Variants in FAM204A observed in about 807,000 individuals in gnomAD.
The protein encoded by FAM204A is protein FAM204A.
FAM204A carries 16 observed loss-of-function variants against 35.4 expected under a neutral mutation model. That is an observed-to-expected ratio of 0.45 (90% CI 0.31 to 0.69). The LOEUF (loss-of-function observed/expected upper bound fraction) is 0.69. Ranked by LOEUF, FAM204A falls within the 30% of genes least tolerant of loss-of-function variation. The pLI is 0.07. For synonymous variants in FAM204A, 76 were observed against 86.9 expected (o/e 0.88, Z 0.70); for missense variants, 240 against 265.7 (o/e 0.90, Z 0.67).
chr10:118,321,357 C>T (rs1156958807), intron 7 of FAM204A, among the ~76,000 whole-genome samples: 13 of 152,018 alleles, frequency 8.6e-5, no homozygotes, highest in East Asian at 3.9e-4. Context: ...TTATTCTTCA[C>T]GGGTACTTAA....
chr10:118,316,457 A>G (rs563702754), intron 7 of FAM204A, among the ~76,000 whole-genome samples: 118 of 152,288 alleles, frequency 7.7e-4, no homozygotes, highest in African/African-American at 2.7e-3. Context: ...ATATCCAGTC[A>G]CTTAACTCCT....
intron 2 of FAM204A, among the ~76,000 whole-genome samples, chr10:118,339,961 T>C (rs1405503961): frequency 6.6e-6 from 1 of 152,224 alleles, no homozygotes; most frequent in Admixed American, 6.5e-5. Context: ...CGTTATTATT[T>C]AGCATACTTG....
chr10:118,334,766 G>A (rs982329307), intron 6 of FAM204A, among the ~76,000 whole-genome samples: 3 of 152,164 alleles, frequency 2.0e-5, no homozygotes, highest in African/African-American at 2.4e-5. Context: ...AATGTCCCAG[G>A]ACGACTCTTC....
chr10:118,338,050 A>G (rs1311787723), intron 2 of FAM204A, among the ~76,000 whole-genome samples: 1 of 152,194 alleles, frequency 6.6e-6, no homozygotes, highest in African/African-American at 2.4e-5. Context: ...GAATAAAATG[A>G]GGGCAAATTA....
chr10:118,305,601 C>T lies in FAM204A; in HGVS notation c.*5256G>A, dbSNP rs1845854806. ...CAGGTAACTAAAATTTTTAAGTCTA[C>T]ATTACTTCTTATATGTAGATTATGT... On this transcript the variant is annotated 3_prime_UTR_variant, in exon 9 of 9. Transcript: ENST00000369183. The T allele has an allele frequency of 1.3e-5, 2 of 152,206 alleles. No homozygotes were observed. Among genetic ancestry groups the T allele is most frequent in the African/African-American group, 4.8e-5 (2 of 41,452 alleles). 9.4% of individuals were successfully genotyped at this position (152,206 alleles called of 1,614,324 possible).
At chr10:118,323,088 A>G (rs1050384959) in intron 7 of FAM204A, among the ~76,000 whole-genome samples, 3 of 152,138 alleles carry the variant, frequency 2.0e-5, no homozygotes, top group Non-Finnish European at 2.9e-5. Context: ...TCTGTTGGTC[A>G]GTCACTTGCT....
chr10:118,326,408 T>A, intron 6 of FAM204A, 165 bp from the exon 7 acceptor site: 1 of 610,498 alleles, frequency 1.6e-6, no homozygotes. Context: ...ACCAGAAGGC[T>A]GAGACAGTAA....
At position 118,303,455 on chromosome 10, in the gene FAM204A, T is replaced by C. The variant is rs1845829901; in HGVS notation, c.*7402A>G. On this transcript the variant is annotated 3_prime_UTR_variant, in exon 9 of 9. Coordinates refer to ENST00000369183, the MANE Select transcript of FAM204A (RefSeq NM_022063.3). Reference sequence around the variant, plus strand: ...ATCCTCCACCCCTTCCATCCATCCCTCCTTTCATCCCATGTAAAATGCTGG... The same window carrying C: ...ATCCTCCACCCCTTCCATCCATCCCCCCTTTCATCCCATGTAAAATGCTGG... The C allele has an allele frequency of 6.6e-6, 1 of 152,210 alleles. No homozygotes were observed. The highest frequency in any genetic ancestry group is 2.1e-4 in the South Asian group (1 of 4,830). The allele number at this position is 152,210 out of a possible 1,614,324, so 9.4% of individuals were successfully genotyped here.
intron 2 of FAM204A, among the ~76,000 whole-genome samples, chr10:118,338,703 A>T (rs1846425677): frequency 6.6e-6 from 1 of 152,164 alleles, no homozygotes; most frequent in East Asian, 1.9e-4. Flanking sequence ...TTTAGATGTG[A>T]CTGCTCATGA....
In FAM204A at chr10:118,305,002, G is replaced by C. The variant is rs1057378864; in HGVS notation, c.*5855C>G. The C allele has an allele frequency of 6.6e-6, 1 of 152,208 alleles. No individual in the cohort carries two copies. Among genetic ancestry groups the C allele is most frequent in the African/African-American group, 2.4e-5 (1 of 41,440 alleles). The allele number at this position is 152,208 out of a possible 1,614,324, so 9.4% of individuals were successfully genotyped here. On this transcript the variant is annotated 3_prime_UTR_variant, in exon 9 of 9. Transcript: ENST00000369183. ...GTAAGGAAGTCTGAGCCAGTGCAAA[G>C]TGAGAACTAATGTGTTCCACTTCCA...
chr10:118,310,801 C>A lies in FAM204A; in HGVS notation c.*56G>T. 3 of 1,398,368 alleles carry A rather than the reference C, an allele frequency of 2.1e-6. No individual in the cohort carries two copies. The highest frequency in any genetic ancestry group is 3.0e-6 in the Non-Finnish European group (3 of 1,007,128). 86.6% of individuals were successfully genotyped at this position (1,398,368 alleles called of 1,614,324 possible). ...TGACATATTAACATAGGCAGGAAAA[C>A]ATTCTCAGTAAATTGAGCATTTGAG... On this transcript the variant is annotated 3_prime_UTR_variant, in exon 9 of 9. Coordinates refer to ENST00000369183, the MANE Select transcript of FAM204A (RefSeq NM_022063.3).
chr10:118,317,418 TA>T (rs1309957318), intron 7 of FAM204A, among the ~76,000 whole-genome samples: 5 of 152,054 alleles, frequency 3.3e-5, no homozygotes, highest in South Asian at 4.1e-4. Context: ...AATCTTTTTT[TA>T]AGGTTAGTTA....
chr10:118,313,979 G>A (rs1002997849), intron 7 of FAM204A, among the ~76,000 whole-genome samples: 8 of 152,058 alleles, frequency 5.3e-5, no homozygotes, highest in African/African-American at 1.7e-4. Flanking sequence ...TCTTCACCTC[G>A]ACATGTCATG....
At chr10:118,318,609 G>A (rs1172847257) in intron 7 of FAM204A, among the ~76,000 whole-genome samples, 6 of 152,060 alleles carry the variant, frequency 3.9e-5, no homozygotes, top group South Asian at 4.1e-4. Flanking sequence ...GGAATACACC[G>A]CTCAGCTTTG....
In FAM204A at chr10:118,326,258, A is replaced by C. The variant is rs1182375232; in HGVS notation, c.454-15T>G. ...TCAAGGCCTGACTAGAAAAAAAAGA[A>C]ACCTAAAATTAAGGGCTGGAAGGAA... On this transcript the variant is annotated splice_polypyrimidine_tract_variant and intron_variant, in intron 6 of 8. Transcript: ENST00000369183. The C allele has an allele frequency of 3.1e-6, 5 of 1,605,510 alleles. No homozygotes were observed. The highest frequency in any genetic ancestry group is 3.4e-6 in the Non-Finnish European group (4 of 1,174,100).
At position 118,309,454 on chromosome 10, in the gene FAM204A, A is replaced by C. The variant is rs1389562187; in HGVS notation, c.*1403T>G. 9 of 152,202 alleles carry C rather than the reference A, an allele frequency of 5.9e-5. No individual in the cohort carries two copies. The highest frequency in any genetic ancestry group is 5.2e-4 in the Admixed American group (8 of 15,272). The allele number at this position is 152,202 out of a possible 1,614,324, so 9.4% of individuals were successfully genotyped here. A position where few individuals can be genotyped will look rare whatever the true frequency, so the allele number is the denominator to read the frequency against. On this transcript the variant is annotated 3_prime_UTR_variant, in exon 9 of 9. Coordinates refer to ENST00000369183, the MANE Select transcript of FAM204A (RefSeq NM_022063.3). ...GAATTTATATTATCAACCCAGAGAAAGTTTATATCAGACAGGTAGGAAACC... is the reference window on the plus strand; with the variant it reads ...GAATTTATATTATCAACCCAGAGAACGTTTATATCAGACAGGTAGGAAACC...
chr10:118,321,787 C>A (rs1846122388), intron 7 of FAM204A, among the ~76,000 whole-genome samples: 1 of 149,724 alleles, frequency 6.7e-6, no homozygotes, highest in South Asian at 2.1e-4. Context: ...TCTGAAACCT[C>A]TAAGGCGCTA....
chr10:118,337,591 C>T (rs1172938483), intron 2 of FAM204A, among the ~76,000 whole-genome samples: 6 of 152,116 alleles, frequency 3.9e-5, no homozygotes, highest in Non-Finnish European at 7.4e-5. Flanking sequence ...TCTGAAATAT[C>T]CTCACCAAAT....
rs1343636473 is a variant in FAM204A, at chr10:118,309,446, C to A, written c.*1411G>T. ...ATGTTTCTGAATTTATATTATCAAC[C>A]CAGAGAAAGTTTATATCAGACAGGT... is the stretch of plus-strand genomic sequence containing the variant. On this transcript the variant is annotated 3_prime_UTR_variant, in exon 9 of 9. Transcript: ENST00000369183. The A allele has an allele frequency of 6.6e-6, 1 of 151,844 alleles. No homozygotes were observed. Among genetic ancestry groups the A allele is most frequent in the African/African-American group, 2.4e-5 (1 of 41,302 alleles). 9.4% of individuals were successfully genotyped at this position (151,844 alleles called of 1,614,324 possible).
Sources: allele counts gnomAD v4.1 joint callset (sites outside exome capture counted in the v4.1 genomes callset), GRCh38; gene constraint gnomAD v4.1.1; transcripts MANE v1.5; gene names NCBI Gene and HGNC (gene_info 2026-07-23, HGNC 2026-07-21).